The following KIAA0825 variants were observed in gnomAD, a reference collection of about 807,000 sequenced individuals.
KIAA0825 encodes uncharacterized protein KIAA0825.
Under a neutral mutation model 147.6 loss-of-function variants are expected in KIAA0825, and 119 were observed. The ratio of observed to expected loss-of-function variants is 0.81; its 90% CI spans 0.69 to 0.94. The LOEUF is 0.94. Ranked by LOEUF, KIAA0825 falls within the 40% of genes least tolerant of loss-of-function variation. The pLI, the probability that KIAA0825 is intolerant of heterozygous loss-of-function variation, is 0.00. For missense variants in KIAA0825, 1,381 were observed against 1,472.7 expected (o/e 0.94, Z 1.02); for synonymous variants, 470 against 518.1 (o/e 0.91, Z 1.26).
intron 20 of KIAA0825, among the ~76,000 whole-genome samples, chr5:94,261,483 C>A (rs1776490801): frequency 6.6e-6 from 1 of 151,946 alleles, no homozygotes; most frequent in African/African-American, 2.4e-5. Context: ...TGAAAACACC[C>A]AGTTGCATTG....
intron 8 of KIAA0825, among the ~76,000 whole-genome samples, chr5:94,472,327 T>A (rs1002706516): frequency 3.3e-5 from 5 of 152,094 alleles, no homozygotes; most frequent in Non-Finnish European, 7.4e-5. Flanking sequence ...AAGGGAGGTG[T>A]GATGAATGGA....
chr5:94,246,089 T>C (rs1423296091), intron 20 of KIAA0825, among the ~76,000 whole-genome samples: 1 of 152,118 alleles, frequency 6.6e-6, no homozygotes, highest in Non-Finnish European at 1.5e-5. Context: ...TTTTCTCCCA[T>C]ATAGATTAAA....
At chr5:94,178,214 GT>G (rs1387428796) in intron 20 of KIAA0825, among the ~76,000 whole-genome samples, 1 of 151,674 alleles carries the variant, frequency 6.6e-6, no homozygotes, top group Non-Finnish European at 1.5e-5. Flanking sequence ...GCATTTTTGG[GT>G]TTTCTAAGAA....
intron 20 of KIAA0825, among the ~76,000 whole-genome samples, chr5:94,264,184 G>T (rs1776633226): frequency 6.6e-6 from 1 of 152,096 alleles, no homozygotes. Flanking sequence ...AAGCTGAATT[G>T]ATTGACTTTT....
chr5:94,425,314 G>T (rs1754718041), intron 14 of KIAA0825, among the ~76,000 whole-genome samples: 1 of 152,230 alleles, frequency 6.6e-6, no homozygotes, highest in African/African-American at 2.4e-5. Context: ...TCCCAGGGAT[G>T]CAAGGATGGT....
chr5:94,249,266 G>A (rs768820998), intron 20 of KIAA0825, among the ~76,000 whole-genome samples: 7 of 152,024 alleles, frequency 4.6e-5, no homozygotes, highest in Non-Finnish European at 1.0e-4. Context: ...GACAAAAATG[G>A]CTATATTGTA....
rs550576550 is a variant in KIAA0825 at position 94,485,191 on chromosome 5, A to G, written c.971-261T>C. ...TCTCAGAGTTATAAATAGAAATTTG[A>G]TTTCTTGTAAAATCACATCTTACGC... On this transcript the variant is annotated intron_variant, in intron 5 of 20. Transcript: ENST00000682413. Among the ~76,000 whole-genome samples, 12 of 151,548 alleles carry G rather than the reference A, an allele frequency of 7.9e-5. No homozygotes were observed. In the South Asian group the frequency reaches 2.3e-3, roughly 29 times the overall value.
chr5:94,542,045 A>C (rs959001025), intron 2 of KIAA0825, among the ~76,000 whole-genome samples: 2 of 152,202 alleles, frequency 1.3e-5, no homozygotes, highest in African/African-American at 4.8e-5. Context: ...GACTGTCCTA[A>C]GATGTTTTGT....
intron 20 of KIAA0825, among the ~76,000 whole-genome samples, chr5:94,174,560 A>G (rs1014605370): frequency 2.6e-5 from 4 of 152,178 alleles, no homozygotes; most frequent in Non-Finnish European, 5.9e-5. Context: ...CCATTTATAT[A>G]GAATATGGAA....
chr5:94,305,536 A>G (rs1372832793), intron 20 of KIAA0825, among the ~76,000 whole-genome samples: 1 of 152,018 alleles, frequency 6.6e-6, no homozygotes, highest in Non-Finnish European at 1.5e-5. Flanking sequence ...TAGCTGTGCC[A>G]CTTCTGATAC....
Position 94,396,432 on chromosome 5 carries a change from G to C in KIAA0825, c.2965C>G (p.Pro989Ala). The C allele has an allele frequency of 6.5e-7, 1 of 1,547,262 alleles. No individual in the cohort carries two copies. Among genetic ancestry groups the C allele is most frequent in the Non-Finnish European group, 8.7e-7 (1 of 1,145,126 alleles). Reference sequence around the variant, plus strand: ...GACAGAAAAAAGAAGTATTTAACTGGGGGAGGCAAACATGCAATCACCGTA... The same window carrying C: ...GACAGAAAAAAGAAGTATTTAACTGCGGGAGGCAAACATGCAATCACCGTA... ...LPTVIACLPP[P>A]VKYFFFLSER... Residue 989 changes from proline to alanine, a missense_variant, in exon 17 of 21, where the codon CCA (proline) becomes GCA (alanine). Physicochemically the swap from Pro to Ala is conservative, Grantham distance 27. Transcript: ENST00000682413.
chr5:94,527,438 T>G (rs1279276643), intron 3 of KIAA0825, among the ~76,000 whole-genome samples: 1 of 152,056 alleles, frequency 6.6e-6, no homozygotes, highest in East Asian at 1.9e-4. Flanking sequence ...TGGTAAATTA[T>G]GAGAACTTTT....
At chr5:94,501,528 G>C (rs909783980) in intron 5 of KIAA0825, among the ~76,000 whole-genome samples, 1 of 152,176 alleles carries the variant, frequency 6.6e-6, no homozygotes, top group African/African-American at 2.4e-5. Flanking sequence ...ACAGGACATT[G>C]AGCACTACGT....
rs527300447 is a variant in KIAA0825, at chr5:94,302,822, T to G, written c.3710+81546A>C. The stretch of plus-strand genomic sequence containing the variant: ...CTGCCAAAAAACAAAGTTCTTATTT[T>G]TAGCTTTCATGAGAAAATGATACTT... On this transcript the variant is annotated intron_variant, in intron 20 of 20. Coordinates refer to ENST00000682413, the MANE Select transcript of KIAA0825 (RefSeq NM_001145678.3). Among the ~76,000 whole-genome samples the G allele has an allele frequency of 8.5e-5, 13 of 152,072 alleles. No homozygotes were observed. The South Asian group carries it at 2.5e-3, about 29-fold the overall frequency.
intron 11 of KIAA0825, 23 bp downstream of exon 11, chr5:94,464,846 A>T (rs551354063): frequency 1.3e-6 from 2 of 1,533,138 alleles, no homozygotes; most frequent in Non-Finnish European, 1.8e-6. Context: ...TTGAAAAGCA[A>T]TGTTTTTCAG....
At chr5:94,163,981 T>C (rs1312152615) in intron 20 of KIAA0825, among the ~76,000 whole-genome samples, 1 of 152,242 alleles carries the variant, frequency 6.6e-6, no homozygotes, top group Non-Finnish European at 1.5e-5. Context: ...TTAGCATGTA[T>C]AGCTTATGTT....
intron 9 of KIAA0825, 70 bp downstream of exon 9, chr5:94,471,396 A>G: frequency 1.4e-6 from 2 of 1,438,726 alleles, no homozygotes; most frequent in Non-Finnish European, 9.3e-7. Flanking sequence ...CCAAAATTTC[A>G]TTCCTGTGAT....
At chr5:94,311,138 C>T (rs564128029) in intron 20 of KIAA0825, among the ~76,000 whole-genome samples, 1 of 151,452 alleles carries the variant, frequency 6.6e-6, no homozygotes, top group East Asian at 2.0e-4. Flanking sequence ...TATTCCAATT[C>T]TCTAAGAGTA....
At chr5:94,205,521 G>A (rs568201478) in intron 20 of KIAA0825, among the ~76,000 whole-genome samples, 1 of 151,926 alleles carries the variant, frequency 6.6e-6, no homozygotes, top group Non-Finnish European at 1.5e-5. Flanking sequence ...TCGATCTCCT[G>A]ACCTCGTGAT....
Sources: gnomAD v4.1 joint callset for allele counts (sites outside exome capture counted in the v4.1 genomes callset) on GRCh38, gnomAD v4.1.1 for gene constraint, MANE v1.5 for transcripts, NCBI Gene and HGNC (gene_info 2026-07-23, HGNC 2026-07-21) for gene names.